AGAP1: variants seen among roughly 807,000 people sequenced by gnomAD.
The protein encoded by AGAP1 is ArfGAP with GTPase domain, ankyrin repeat and PH domain 1.
A neutral mutation model predicts 105.3 loss-of-function variants in AGAP1; 29 were observed. That is an observed-to-expected ratio of 0.28 (90% CI 0.21 to 0.38). The LOEUF (loss-of-function observed/expected upper bound fraction) is 0.38. AGAP1 is among the 10% of genes least tolerant of loss of function. The pLI, the probability that AGAP1 is intolerant of heterozygous loss-of-function variation, is 1.00. For synonymous variants in AGAP1, 509 were observed against 485.9 expected (o/e 1.05, Z -0.63); for missense variants, 998 against 1,165.1 (o/e 0.86, Z 2.09).
chr2:235,718,907 TCTGTCC>T (rs1951248796), intron 3 of AGAP1, among the ~76,000 whole-genome samples: 1 of 152,246 alleles, frequency 6.6e-6, no homozygotes, highest in Non-Finnish European at 1.5e-5. Context: ...TTGTCAGGGC[TCTGTCC>T]CTGGGTTTTG....
rs770200918 is a variant in AGAP1, at chr2:235,830,769, G to T, written c.1050+23438G>T. Among the ~76,000 whole-genome samples the T allele has an allele frequency of 6.6e-6, 1 of 152,118 alleles. No individual in the cohort carries two copies. The highest frequency in any genetic ancestry group is 2.4e-5 in the African/African-American group (1 of 41,422). ...TGCATTTATAAGATATTTCTTCCTCGGAATTTTTAAGTGATTTTACTTCTA... is the reference window on the plus strand; with the variant it reads ...TGCATTTATAAGATATTTCTTCCTCTGAATTTTTAAGTGATTTTACTTCTA... On this transcript the variant is annotated intron_variant, in intron 9 of 17. Coordinates refer to ENST00000304032, the MANE Select transcript of AGAP1 (RefSeq NM_001037131.3). This position sits in a 1 kb window ranked among gnomAD's most constrained non-coding sequence, Gnocchi z 5.5.
rs531385949 is a variant in AGAP1, at chr2:235,681,955, A to G, written c.164-27224A>G. Among the ~76,000 whole-genome samples, 181 of 148,278 alleles carry G rather than the reference A, an allele frequency of 1.2e-3. 1 individual carries two copies. The South Asian group carries it at 0.013, about 11-fold the overall frequency. ...ACCCTCTGCCTCCCAGGTTCAAGCA[A>G]TTCTCTGCCTCAGCCTCCCAAGTAG... On this transcript the variant is annotated intron_variant, in intron 1 of 17. Coordinates refer to ENST00000304032, the MANE Select transcript of AGAP1 (RefSeq NM_001037131.3).
At position 235,982,802 on chromosome 2, in the gene AGAP1, T is replaced by A. The variant is rs568728614; in HGVS notation, c.1645+14179T>A. On this transcript the variant is annotated intron_variant, in intron 13 of 17. Transcript: ENST00000304032. This position sits in a 1 kb window ranked among gnomAD's most constrained non-coding sequence, Gnocchi z 4.9. Reference sequence around the variant, plus strand: ...TCTTTCCTTCTGGACATTCAAAGATTAATATGTTACTGTCATCAGTGACTT... The same window carrying A: ...TCTTTCCTTCTGGACATTCAAAGATAAATATGTTACTGTCATCAGTGACTT... 1.2e-3 allele frequency among the ~76,000 whole-genome samples: 186 copies of A among 152,294 alleles called. No individual in the cohort carries two copies. Among genetic ancestry groups the A allele is most frequent in the Non-Finnish European group, 2.0e-3 (133 of 68,034 alleles).
rs77534673 is a variant in AGAP1 at position 235,716,063 on chromosome 2, C to CT, written c.223-1486dup. Among the ~76,000 whole-genome samples the CT allele has an allele frequency of 6.6e-6, 1 of 152,044 alleles. No individual in the cohort carries two copies. Among genetic ancestry groups the CT allele is most frequent in the South Asian group, 2.1e-4 (1 of 4,828 alleles). Reference sequence around the variant, plus strand: ...GGGGATGCGATTTGGGAATAGGCAGCTTTTTTTTCCCCCCACATCCAACCT... The same window carrying CT: ...GGGGATGCGATTTGGGAATAGGCAGCTTTTTTTTTCCCCCCACATCCAACCT... On this transcript the variant is annotated intron_variant, in intron 2 of 17. Coordinates refer to ENST00000304032, the MANE Select transcript of AGAP1 (RefSeq NM_001037131.3). This position sits in a 1 kb window ranked among gnomAD's most constrained non-coding sequence, Gnocchi z 4.0.
At chr2:235,502,427 A>G (rs572484990) in intron 1 of AGAP1, among the ~76,000 whole-genome samples, 1 of 152,284 alleles carries the variant, frequency 6.6e-6, no homozygotes, top group Non-Finnish European at 1.5e-5. Context: ...TGCTTGCTCC[A>G]GTATTGTTTC....
intron 13 of AGAP1, among the ~76,000 whole-genome samples, chr2:236,008,760 G>A (rs2125550859): frequency 6.6e-6 from 1 of 152,348 alleles, no homozygotes; most frequent in African/African-American, 2.4e-5. Context: ...CACAGAGTAA[G>A]AGGTTGAAGG....
At chr2:235,862,041 A>C (rs977119366) in intron 9 of AGAP1, among the ~76,000 whole-genome samples, 2 of 152,022 alleles carry the variant, frequency 1.3e-5, no homozygotes, top group Non-Finnish European at 2.9e-5. Context: ...TGCCTCCTTC[A>C]GCTTGTACTA....
At chr2:235,591,235 T>C (rs1237974827) in intron 1 of AGAP1, among the ~76,000 whole-genome samples, 1 of 152,054 alleles carries the variant, frequency 6.6e-6, no homozygotes, top group Non-Finnish European at 1.5e-5. Flanking sequence ...AGGCTGGTCT[T>C]GAACTCCTGG....
rs550915685 is a variant in AGAP1, at chr2:235,744,601, C to T, written c.397-97C>T. 206 of 1,484,486 alleles carry T rather than the reference C, an allele frequency of 1.4e-4. 2 individuals carry two copies. The South Asian group carries it at 2.4e-3, about 17-fold the overall frequency. 92.0% of individuals were successfully genotyped at this position (1,484,486 alleles called of 1,614,324 possible). ...ACCCAGTGTGTGACCGAGGGGATTC[C>T]TGCAGCCCCCTGCTGCCTGCCGCCA... On this transcript the variant is annotated intron_variant, in intron 4 of 17. Coordinates refer to ENST00000304032, the MANE Select transcript of AGAP1 (RefSeq NM_001037131.3). This position sits in a 1 kb window ranked among gnomAD's most constrained non-coding sequence, Gnocchi z 5.2.
rs60857911 is a variant in AGAP1 at position 236,073,001 on chromosome 2, C to CT, written c.2114+23733dup. Among the ~76,000 whole-genome samples the CT allele has an allele frequency of 9.1e-3, 1,330 of 145,796 alleles. 15 individuals carry two copies. The highest frequency in any genetic ancestry group is 0.029 in the African/African-American group (1,152 of 40,184). On this transcript the variant is annotated intron_variant, in intron 16 of 17. Transcript: ENST00000304032. This position sits in a 1 kb window ranked among gnomAD's most constrained non-coding sequence, Gnocchi z 5.4. Reference sequence around the variant, plus strand: ...AAAGCATTCAGGAGATATTTATATTCTTTTTTTTTTTTTCCTAGACAGTCT... The same window carrying CT: ...AAAGCATTCAGGAGATATTTATATTCTTTTTTTTTTTTTTCCTAGACAGTCT...
chr2:235,674,816 G>A (rs1316918217), intron 1 of AGAP1, among the ~76,000 whole-genome samples: 1 of 150,990 alleles, frequency 6.6e-6, no homozygotes, highest in Non-Finnish European at 1.5e-5. Context: ...AGCCTCCCCA[G>A]TAGCTGGGAC....
Position 236,124,322 on chromosome 2 carries a change from A to T in AGAP1, c.*200A>T. 3 of 641,294 alleles carry T rather than the reference A, an allele frequency of 4.7e-6. No individual in the cohort carries two copies. Among genetic ancestry groups the T allele is most frequent in the Admixed American group, 2.9e-5 (1 of 34,152 alleles). The allele number at this position is 641,294 out of a possible 1,614,324, so 39.7% of individuals were successfully genotyped here. A position where few individuals can be genotyped will look rare whatever the true frequency, so the allele number is the denominator to read the frequency against. Reference sequence around the variant, plus strand: ...CAAGGGGCGAAGAGGCGGCCGGGAGACTGCAGAAGTGGCTCCTTTTCATAA... The same window carrying T: ...CAAGGGGCGAAGAGGCGGCCGGGAGTCTGCAGAAGTGGCTCCTTTTCATAA... On this transcript the variant is annotated 3_prime_UTR_variant, in exon 18 of 18. Coordinates refer to ENST00000304032, the MANE Select transcript of AGAP1 (RefSeq NM_001037131.3). This position sits in a 1 kb window ranked among gnomAD's most constrained non-coding sequence, Gnocchi z 5.1.
chr2:236,036,836 T>C lies in AGAP1; in HGVS notation c.1800+121T>C. 9.1e-6 allele frequency: 13 copies of C among 1,424,936 alleles called. No individual in the cohort carries two copies. Among genetic ancestry groups the C allele is most frequent in the Non-Finnish European group, 1.2e-5 (13 of 1,070,294 alleles). The allele number at this position is 1,424,936 out of a possible 1,614,324, so 88.3% of individuals were successfully genotyped here. A position where few individuals can be genotyped will look rare whatever the true frequency, so the allele number is the denominator to read the frequency against. On this transcript the variant is annotated intron_variant, in intron 14 of 17. Coordinates refer to ENST00000304032, the MANE Select transcript of AGAP1 (RefSeq NM_001037131.3). This position sits in a 1 kb window ranked among gnomAD's most constrained non-coding sequence, Gnocchi z 5.7. ...TGTGAATGACAGGACCTAGCTATTC[T>C]TTATGAGCAGAAAGCTCAATAACTA...
chr2:236,036,524 A>G lies in AGAP1; in HGVS notation c.1646-37A>G, dbSNP rs750754141. The G allele has an allele frequency of 5.6e-6, 9 of 1,608,250 alleles. 1 individual carries two copies. In the South Asian group the frequency reaches 6.7e-5, roughly 12 times the overall value. On this transcript the variant is annotated intron_variant, in intron 13 of 17. Transcript: ENST00000304032. The surrounding 1 kb of genome is among the most constrained non-coding windows in gnomAD (Gnocchi z 5.7). ...GCCCGCAGGGGGACTGCTGTCTCAT[A>G]AAAGCTAAACTCTTCATCCCACACT...
intron 1 of AGAP1, among the ~76,000 whole-genome samples, chr2:235,636,428 C>T (rs999487077): frequency 3.9e-5 from 6 of 152,170 alleles, no homozygotes; most frequent in African/African-American, 1.4e-4. Context: ...GAAAGCCCTT[C>T]GCTGTGGATG....
intron 1 of AGAP1, chr2:235,670,065 C>T (rs1188221106): frequency 9.9e-6 from 4 of 404,620 alleles, no homozygotes; most frequent in East Asian, 4.1e-5. Flanking sequence ...CCCGCGGGCT[C>T]GCTGGATGCG....
chr2:235,594,672 TC>T lies in AGAP1; in HGVS notation c.163+99824del, dbSNP rs377551198. On this transcript the variant is annotated intron_variant, in intron 1 of 17. Coordinates refer to ENST00000304032, the MANE Select transcript of AGAP1 (RefSeq NM_001037131.3). ...TCGCTGCAACCTCCATCTTCCGGGT[TC>T]AAGCAATTCTGCCTTGGCGTCCCAA... 4.4e-3 allele frequency among the ~76,000 whole-genome samples: 664 copies of T among 152,176 alleles called. 4 individuals are homozygous for T. Among genetic ancestry groups the T allele is most frequent in the African/African-American group, 0.015 (630 of 41,532 alleles).
rs1305632612 is a variant in AGAP1, at chr2:235,982,247, C to G, written c.1645+13624C>G. Among the ~76,000 whole-genome samples the G allele has an allele frequency of 6.6e-6, 1 of 152,174 alleles. No individual in the cohort carries two copies. The highest frequency in any genetic ancestry group is 1.5e-5 in the Non-Finnish European group (1 of 68,030). ...TCACATTTAAAGAGAATCAAAGAGT[C>G]AGTAAACATGCAGAAACACTTTTAG... On this transcript the variant is annotated intron_variant, in intron 13 of 17. Transcript: ENST00000304032. This position sits in a 1 kb window ranked among gnomAD's most constrained non-coding sequence, Gnocchi z 4.9.
At chr2:235,804,133 AACAC>A (rs1957720251) in intron 8 of AGAP1, among the ~76,000 whole-genome samples, 1 of 152,190 alleles carries the variant, frequency 6.6e-6, no homozygotes, top group Non-Finnish European at 1.5e-5. Flanking sequence ...GTGCCTCCAG[AACAC>A]GTTTCTCCTG....
Sources: gnomAD v4.1 joint callset for allele counts (sites outside exome capture counted in the v4.1 genomes callset) on GRCh38, gnomAD v4.1.1 for gene constraint, Gnocchi (gnomAD v3.1) non-coding constraint, MANE v1.5 for transcripts, NCBI Gene and HGNC (gene_info 2026-07-23, HGNC 2026-07-21) for gene names.